The following TTC29 variants were observed in gnomAD, a reference collection of about 807,000 sequenced individuals.
The protein encoded by TTC29 is tetratricopeptide repeat protein 29.
A neutral mutation model predicts 58.1 loss-of-function variants in TTC29; 49 were observed. The ratio of observed to expected loss-of-function variants is 0.84; its 90% CI spans 0.67 to 1.07. The LOEUF (loss-of-function observed/expected upper bound fraction) is 1.07. Ranked by LOEUF, TTC29 falls within the 50% of genes least tolerant of loss-of-function variation. The pLI is 0.00. For missense variants in TTC29, 582 were observed against 555.6 expected (o/e 1.05, Z -0.48); for synonymous variants, 209 against 196.8 (o/e 1.06, Z -0.52).
intron 11 of TTC29, among the ~76,000 whole-genome samples, chr4:146,797,459 A>G (rs1343303894): frequency 6.6e-6 from 1 of 152,072 alleles, no homozygotes; most frequent in African/African-American, 2.4e-5. Context: ...CAGCTTTTAT[A>G]TGGTTGGCAA....
intron 11 of TTC29, among the ~76,000 whole-genome samples, chr4:146,788,450 A>G (rs1160960145): frequency 2.6e-5 from 4 of 152,176 alleles, no homozygotes; most frequent in Non-Finnish European, 5.9e-5. Flanking sequence ...CCCATTTTTC[A>G]CAAACATCAA....
chr4:146,926,887 A>G (rs757400188), intron 4 of TTC29, among the ~76,000 whole-genome samples: 14 of 152,078 alleles, frequency 9.2e-5, no homozygotes, highest in Non-Finnish European at 1.3e-4. Flanking sequence ...GCTTTCAAAG[A>G]CTCCAGTCTA....
chr4:146,758,606 A>G (rs1283657480), intron 11 of TTC29, among the ~76,000 whole-genome samples: 1 of 152,160 alleles, frequency 6.6e-6, no homozygotes, highest in Non-Finnish European at 1.5e-5. Context: ...ACAAGCCTCA[A>G]TTAATTTAAG....
chr4:146,939,387 A>T (rs1736151180), intron 3 of TTC29, among the ~76,000 whole-genome samples: 1 of 152,120 alleles, frequency 6.6e-6, no homozygotes, highest in African/African-American at 2.4e-5. Context: ...CTCAGGAGGC[A>T]GAGATTGCAG....
chr4:146,832,523 T>C (rs552606326), intron 9 of TTC29, among the ~76,000 whole-genome samples: 31 of 152,244 alleles, frequency 2.0e-4, no homozygotes, highest in African/African-American at 7.2e-4. Context: ...CTTGATGCCC[T>C]GGCTGGAGTG....
intron 10 of TTC29, among the ~76,000 whole-genome samples, chr4:146,808,961 G>A (rs1034738289): frequency 1.3e-5 from 2 of 152,010 alleles, no homozygotes; most frequent in African/African-American, 4.8e-5. Flanking sequence ...AAAGCTGGAG[G>A]CATCATGCTA....
chr4:146,758,024 T>C (rs1265670273), intron 11 of TTC29, among the ~76,000 whole-genome samples: 1 of 152,010 alleles, frequency 6.6e-6, no homozygotes, highest in Admixed American at 6.6e-5. Flanking sequence ...ATGGCTTAAA[T>C]GCTGCACTTA....
intron 9 of TTC29, among the ~76,000 whole-genome samples, chr4:146,823,718 T>C (rs1751992885): frequency 6.6e-6 from 1 of 152,240 alleles, no homozygotes; most frequent in Admixed American, 6.5e-5. Context: ...TGATACTGAT[T>C]CTTCCTATCC....
In TTC29 at chr4:146,867,551, A is replaced by C; in HGVS notation, c.832T>G (p.Tyr278Asp). 6.4e-7 allele frequency: 1 copy of C among 1,554,452 alleles called. No individual in the cohort carries two copies. The highest frequency in any genetic ancestry group is 8.7e-7 in the Non-Finnish European group (1 of 1,148,484). Reference sequence around the variant, plus strand: ...GCTAAGTGTGCTAAGCCCAAGTAGTAAGAGGCTTCCGCTTCCATCTTTTTG... The same window carrying C: ...GCTAAGTGTGCTAAGCCCAAGTAGTCAGAGGCTTCCGCTTCCATCTTTTTG... Reference protein sequence around the residue: ...SDKKMEAEASYYLGLAHLAAE... With the variant: ...SDKKMEAEASDYLGLAHLAAE... The change falls in exon 8 of 13, where the codon TAC becomes GAC. Residue 278 changes from tyrosine to aspartate, a missense_variant. Tyr to Asp is a radical substitution (Grantham distance 160). Transcript: ENST00000325106.
At chr4:146,913,527 T>C (rs1386439537) in intron 4 of TTC29, among the ~76,000 whole-genome samples, 1 of 151,922 alleles carries the variant, frequency 6.6e-6, no homozygotes. Flanking sequence ...AAGGAGTGGG[T>C]TATTGACCCA....
At chr4:146,889,362 A>C (rs1211339018) in intron 6 of TTC29, among the ~76,000 whole-genome samples, 1 of 152,150 alleles carries the variant, frequency 6.6e-6, no homozygotes. Flanking sequence ...TTTAAAAAAT[A>C]ATACTTAAAA....
At chr4:146,854,069 C>T (rs952839881) in intron 8 of TTC29, among the ~76,000 whole-genome samples, 7 of 152,168 alleles carry the variant, frequency 4.6e-5, no homozygotes, top group African/African-American at 1.7e-4. Flanking sequence ...TGTTTCTACA[C>T]TGTTTCCTAG....
intron 9 of TTC29, among the ~76,000 whole-genome samples, chr4:146,821,551 C>T (rs1164117608): frequency 2.0e-5 from 3 of 152,114 alleles, no homozygotes; most frequent in African/African-American, 7.2e-5. Flanking sequence ...TGTTACATAT[C>T]CTCACAAAAT....
intron 4 of TTC29, among the ~76,000 whole-genome samples, chr4:146,915,844 G>T (rs867207433): frequency 6.6e-6 from 1 of 151,206 alleles, no homozygotes; most frequent in Non-Finnish European, 1.5e-5. Context: ...TTTCAAAAGC[G>T]GTTCAATAAA....
chr4:146,862,562 T>C (rs1436369150), intron 8 of TTC29, among the ~76,000 whole-genome samples: 1 of 152,196 alleles, frequency 6.6e-6, no homozygotes, highest in East Asian at 1.9e-4. Flanking sequence ...TGAAAAGACA[T>C]TGCCTTCAAA....
intron 11 of TTC29, among the ~76,000 whole-genome samples, chr4:146,752,171 T>C (rs1746055277): frequency 6.6e-6 from 1 of 151,542 alleles, no homozygotes; most frequent in African/African-American, 2.4e-5. Flanking sequence ...GAAAACCCCA[T>C]TGTCTCAGCC....
In TTC29 at chr4:146,707,553, T is replaced by TAAA; in HGVS notation, c.1331-5_1331-3dup. ...CCACTGTGGATCCTCTAAACTCTTC[T>TAAA]AAAAAAAAAATACACAAAGTTAATA... On this transcript the variant is annotated splice_region_variant and splice_polypyrimidine_tract_variant and intron_variant, in intron 11 of 12. Coordinates refer to ENST00000325106, the MANE Select transcript of TTC29 (RefSeq NM_031956.4). 1.4e-6 allele frequency: 2 copies of TAAA among 1,426,792 alleles called. No individual in the cohort carries two copies. Among genetic ancestry groups the TAAA allele is most frequent in the Non-Finnish European group, 9.5e-7 (1 of 1,053,972 alleles). The allele number at this position is 1,426,792 out of a possible 1,614,324, so 88.4% of individuals were successfully genotyped here.
At chr4:146,848,419 T>C (rs1029416728) in intron 8 of TTC29, among the ~76,000 whole-genome samples, 4 of 152,202 alleles carry the variant, frequency 2.6e-5, no homozygotes, top group African/African-American at 9.6e-5. Flanking sequence ...TTGCTATAGG[T>C]AGTCATAAAG....
chr4:146,942,715 C>T, intron 2 of TTC29: 1 of 1,267,252 alleles, frequency 7.9e-7, no homozygotes, highest in Non-Finnish European at 1.1e-6. Flanking sequence ...GAGAAGAAAA[C>T]AACTAAGTTT....
Sources: allele counts gnomAD v4.1 joint callset (sites outside exome capture counted in the v4.1 genomes callset), GRCh38; gene constraint gnomAD v4.1.1; transcripts MANE v1.5; gene names NCBI Gene and HGNC (gene_info 2026-07-23, HGNC 2026-07-21).